Variants in LRRC74B observed in about 807,000 individuals in gnomAD.
The protein encoded by LRRC74B is leucine-rich repeat-containing protein 74B.
In LRRC74B, 30 loss-of-function variants were observed where a neutral mutation model predicts 16.6. The ratio of observed to expected loss-of-function variants is 1.80; its 90% CI spans 1.35 to 2.45. LRRC74B has a LOEUF of 2.45. Among genes scored for constraint, LRRC74B ranks in the 30% most tolerant of loss-of-function variants. The pLI, the probability that LRRC74B is intolerant of heterozygous loss-of-function variation, is 0.00. For synonymous variants in LRRC74B, 134 were observed against 86.0 expected (o/e 1.56, Z -3.09); for missense variants, 326 against 202.4 (o/e 1.61, Z -3.71).
chr22:21,047,035 G>A, intron 1 of LRRC74B, among the ~76,000 whole-genome samples: 1 of 151,682 alleles, frequency 6.6e-6, no homozygotes, highest in South Asian at 2.1e-4. Flanking sequence ...AGAGGTTTCA[G>A]TGAGCCGAGA....
At chr22:21,055,248 C>G (rs975597236) in intron 7 of LRRC74B, 72 bp downstream of exon 7, 19 of 679,032 alleles carry the variant, frequency 2.8e-5, no homozygotes, top group Middle Eastern at 2.3e-4. Context: ...ATCCCTCCCC[C>G]ACAGCCCCCA....
intron 8 of LRRC74B, 109 bp from the exon 9 acceptor site, chr22:21,060,264 G>A: frequency 4.8e-6 from 3 of 618,584 alleles, no homozygotes; most frequent in Non-Finnish European, 8.9e-6. Flanking sequence ...TCATCCACAG[G>A]GGAGAAGCTG....
downstream of LRRC74B, chr22:21,063,467 C>G (rs1930906920): frequency 6.6e-6 from 1 of 151,856 alleles, no homozygotes; most frequent in African/African-American, 2.4e-5. Context: ...AAGGTGAGCC[C>G]AAGGTGGGAG....
chr22:21,048,236 A>G (rs141977113), intron 3 of LRRC74B: 1,281 of 546,274 alleles, frequency 2.3e-3, no homozygotes, highest in Non-Finnish European at 3.4e-3. Flanking sequence ...ACCCCACACC[A>G]TCACTCCCCT....
Position 21,046,057 on chromosome 22 carries a change from G to GTC in LRRC74B, c.73_74dup (p.Ser26PhefsTer37). 1 of 717,470 alleles carries GTC rather than the reference G, an allele frequency of 1.4e-6. No homozygotes were observed. Among genetic ancestry groups the GTC allele is most frequent in the South Asian group, 1.5e-5 (1 of 67,602 alleles). 44.4% of individuals were successfully genotyped at this position (717,470 alleles called of 1,614,324 possible). On this transcript the variant is annotated frameshift_variant, in exon 1 of 9. Coordinates refer to ENST00000442047, the Ensembl canonical transcript of LRRC74B. LOFTEE classifies it high-confidence loss of function. ...GAAGAGGCTATGGTGGCCTGTGGGC[G>GTC]TCTTTCAGGGGTCCCCGAGGCCGAG...
exon 2 of LRRC74B, chr22:21,047,457 G>T (rs6005371): frequency 1.4e-6 from 1 of 717,486 alleles, no homozygotes; most frequent in Non-Finnish European, 2.6e-6. Flanking sequence ...CCAAGGGAGC[G>T]CCCAAGAGCT....
exon 6 of LRRC74B, chr22:21,053,442 A>T (rs1160925351): frequency 1.4e-6 from 1 of 717,356 alleles, no homozygotes; most frequent in South Asian, 1.5e-5. Flanking sequence ...GAGGCTCTGA[A>T]GGCCAACAAC....
intron 7 of LRRC74B, among the ~76,000 whole-genome samples, chr22:21,056,059 T>C (rs1930498473): frequency 6.6e-6 from 1 of 152,164 alleles, no homozygotes; most frequent in Non-Finnish European, 1.5e-5. Context: ...CTCCTCCCTC[T>C]TCTGACTTCC....
intron 6 of LRRC74B, among the ~76,000 whole-genome samples, chr22:21,054,628 G>A (rs8141255): frequency 0.021 from 3,155 of 152,342 alleles, 118 homozygotes; most frequent in African/African-American, 0.072. Context: ...GGCTGAATAC[G>A]GAGGTGCAGC....
At chr22:21,057,649 C>T (rs866022069) in intron 8 of LRRC74B, among the ~76,000 whole-genome samples, 5 of 143,122 alleles carry the variant, frequency 3.5e-5, no homozygotes, top group Middle Eastern at 3.4e-3. Context: ...GTCAGGGTCT[C>T]ACTCTGTCAC....
chr22:21,058,603 G>A (rs1329606228), intron 8 of LRRC74B, among the ~76,000 whole-genome samples: 1 of 152,098 alleles, frequency 6.6e-6, no homozygotes, highest in Non-Finnish European at 1.5e-5. Flanking sequence ...TTGAGTCAAA[G>A]CCTTTCCAGA....
upstream of LRRC74B, chr22:21,045,956 C>CA: frequency 1.4e-6 from 1 of 714,450 alleles, no homozygotes; most frequent in Non-Finnish European, 2.6e-6. Flanking sequence ...GTCTCCGACT[C>CA]AGTGTCTGAG....
rs1372857535 is a variant in LRRC74B at position 21,057,029 on chromosome 22, C to A, written c.928-76C>A. ...TGGCTGTGTCCTCAGAGATGAGGAG[C>A]CCCTCCTTCCCTTTCACATTGCTCT... On this transcript the variant is annotated intron_variant, in intron 7 of 8. Transcript: ENST00000442047. 5 of 692,672 alleles carry A rather than the reference C, an allele frequency of 7.2e-6. No individual in the cohort carries two copies. In the Middle Eastern group the frequency reaches 1.0e-3, roughly 145 times the overall value. 42.9% of individuals were successfully genotyped at this position (692,672 alleles called of 1,614,324 possible). A position where few individuals can be genotyped will look rare whatever the true frequency, so the allele number is the denominator to read the frequency against.
At chr22:21,046,636 A>G (rs1044970403) in intron 1 of LRRC74B, among the ~76,000 whole-genome samples, 1 of 151,606 alleles carries the variant, frequency 6.6e-6, no homozygotes, top group Admixed American at 6.6e-5. Flanking sequence ...ATATAAATAA[A>G]TTATTTATTT....
At position 21,060,277 on chromosome 22, in the gene LRRC74B, C is replaced by T. The variant is rs532050754; in HGVS notation, c.1024-96C>T. 63 of 622,362 alleles carry T rather than the reference C, an allele frequency of 1.0e-4. 1 individual carries two copies. The highest frequency in any genetic ancestry group is 9.2e-4 in the South Asian group (46 of 50,150). 38.6% of individuals were successfully genotyped at this position (622,362 alleles called of 1,614,324 possible). ...TGTCATCCACAGGGGAGAAGCTGCC[C>T]GAAGGAGCTTCTCTGAGACCTTGCG... On this transcript the variant is annotated intron_variant, in intron 8 of 8. Coordinates refer to ENST00000442047, the Ensembl canonical transcript of LRRC74B.
chr22:21,046,828 A>G (rs1286607898), intron 1 of LRRC74B, among the ~76,000 whole-genome samples: 2 of 152,042 alleles, frequency 1.3e-5, no homozygotes, highest in African/African-American at 4.8e-5. Context: ...GGGGTGGCTC[A>G]CGCCTGTAAT....
At chr22:21,058,253 T>A (rs2148164338) in intron 8 of LRRC74B, among the ~76,000 whole-genome samples, 1 of 152,174 alleles carries the variant, frequency 6.6e-6, no homozygotes, top group Non-Finnish European at 1.5e-5. Context: ...CTCACACCTA[T>A]AATCTTAGCA....
At position 21,051,798 on chromosome 22, in the gene LRRC74B, C is replaced by A. The variant is rs553272249; in HGVS notation, c.623-451C>A. ...CCCCCTCCCCAGGCCCAGCTCCAAG[C>A]CTGCGTGCATTTCCACAGGTGCCTC... On this transcript the variant is annotated intron_variant, in intron 4 of 8. Transcript: ENST00000442047. Among the ~76,000 whole-genome samples the A allele has an allele frequency of 5.3e-5, 8 of 152,312 alleles. No individual in the cohort carries two copies. The Middle Eastern group carries it at 0.01, about 194-fold the overall frequency.
In LRRC74B at chr22:21,055,148, G is replaced by A. The variant is rs929453355; in HGVS notation, c.899G>A (p.Arg300Gln). ...GCCCTGAGCCTGGGCCTGGGCCTCC[G>A]GGTCAACCAGACGCTGAGGATTCTT... The change falls in exon 7 of 9, where the codon CGG becomes CAG. Residue 300 changes from arginine to glutamine, a missense_variant. Physicochemically the swap from Arg to Gln is conservative, Grantham distance 43. Transcript: ENST00000442047. 14 of 716,702 alleles carry A rather than the reference G, an allele frequency of 2.0e-5. No homozygotes were observed. The highest frequency in any genetic ancestry group is 2.3e-4 in the Middle Eastern group (1 of 4,394). The allele number at this position is 716,702 out of a possible 1,614,324, so 44.4% of individuals were successfully genotyped here. A position where few individuals can be genotyped will look rare whatever the true frequency, so the allele number is the denominator to read the frequency against.
Sources: allele counts gnomAD v4.1 joint callset (sites outside exome capture counted in the v4.1 genomes callset), GRCh38; gene constraint gnomAD v4.1.1; transcripts MANE v1.5; gene names NCBI Gene and HGNC (gene_info 2026-07-23, HGNC 2026-07-21).